The following BSCL2 variants were observed in gnomAD, a reference collection of about 807,000 sequenced individuals.
BSCL2 encodes BSCL2 lipid droplet biogenesis associated, seipin, also known as seipin.
In BSCL2, 41 loss-of-function variants were observed where a neutral mutation model predicts 57.4. The ratio of observed to expected loss-of-function variants is 0.71; its 90% CI spans 0.56 to 0.93. The LOEUF (loss-of-function observed/expected upper bound fraction) is 0.93, where lower values mean the gene tolerates loss of function less well. BSCL2 is among the 40% of genes least tolerant of loss of function. BSCL2 has a pLI of 0.00. For synonymous variants in BSCL2, 237 were observed against 227.3 expected, an observed-to-expected ratio of 1.04 and a Z score of -0.38; for missense variants, 539 against 586.7, an observed-to-expected ratio of 0.92 and a Z score of 0.84.
chr11:62,704,130 G>GA (rs1341507886), intron 2 of BSCL2, among the ~76,000 whole-genome samples: 277 of 105,914 alleles, frequency 2.6e-3, no homozygotes, highest in Middle Eastern at 0.019. Flanking sequence ...GTCTCAAAAA[G>GA]AAAAAAAAAA....
chr11:62,699,066 C>G (rs1188662491), intron 3 of BSCL2, among the ~76,000 whole-genome samples: 1 of 151,718 alleles, frequency 6.6e-6, no homozygotes, highest in African/African-American at 2.4e-5. Flanking sequence ...CCACCACGCC[C>G]AGCTAATTTT....
chr11:62,694,620 G>A lies in BSCL2; in HGVS notation c.578C>T (p.Thr193Ile). 6.2e-7 allele frequency: 1 copy of A among 1,614,142 alleles called. No individual in the cohort carries two copies. The highest frequency in any genetic ancestry group is 8.5e-7 in the Non-Finnish European group (1 of 1,180,014). The change falls in exon 4 of 11, where the codon ACC (threonine) becomes ATC (isoleucine). Residue 193 changes from threonine to isoleucine, a missense_variant. Around this residue, in one of 3 missense-constraint regions of BSCL2, gnomAD observed 73 missense variants for 122.0 expected, o/e 0.60. Transcript: ENST00000360796. Reference protein sequence around the residue: ...VNQDLGMFLVTISCYTRGGRI... With the variant: ...VNQDLGMFLVIISCYTRGGRI... ...GCCACCTCTGGTGTAGCAGGAAATG[G>A]TGACCAAGAACATGCCCAAATCTTG... is the stretch of plus-strand genomic sequence containing the variant.
At chr11:62,701,845 AAG>A (rs1945651249) in intron 3 of BSCL2, among the ~76,000 whole-genome samples, 1 of 151,702 alleles carries the variant, frequency 6.6e-6, no homozygotes, top group Non-Finnish European at 1.5e-5. Flanking sequence ...AAAAAAAAAA[AAG>A]AAAGAGAGTG....
chr11:62,690,981 C>A (rs762273220), intron 8 of BSCL2, 94 bp downstream of exon 8: 1 of 1,581,166 alleles, frequency 6.3e-7, no homozygotes, highest in African/African-American at 1.3e-5. Flanking sequence ...GTCGGTGATA[C>A]CCTAAGCCTC....
chr11:62,707,712 C>T (rs771545837), upstream of BSCL2: 1 of 343,776 alleles, frequency 2.9e-6, no homozygotes, highest in Non-Finnish European at 5.6e-6. Flanking sequence ...ACCAGCCATC[C>T]AGACAGTGCT....
At chr11:62,694,355 C>T (rs1242873696) in intron 4 of BSCL2, among the ~76,000 whole-genome samples, 2 of 151,772 alleles carry the variant, frequency 1.3e-5, no homozygotes, top group African/African-American at 4.8e-5. Flanking sequence ...AGCCGTGAGC[C>T]ACCATGCCCA....
At chr11:62,694,841 G>A (rs1028732834) in intron 3 of BSCL2, 130 bp from the exon 4 acceptor site, 41 of 1,132,424 alleles carry the variant, frequency 3.6e-5, no homozygotes, top group Middle Eastern at 2.8e-4. Flanking sequence ...GTAGCCTAAC[G>A]GGCCTTTCAA....
chr11:62,702,345 C>T lies in BSCL2; in HGVS notation c.486+123G>A, dbSNP rs142930529. On this transcript the variant is annotated intron_variant, in intron 3 of 10. Transcript: ENST00000360796. ...CCTCCCAAAGTACTGGGATTACAGG[C>T]GTGAGCCACCGTGCCCGGCCAGTCT... 1,983 of 858,186 alleles carry T rather than the reference C, an allele frequency of 2.3e-3. 23 individuals carry two copies. In the African/African-American group the frequency reaches 0.03, roughly 13 times the overall value. The allele number at this position is 858,186 out of a possible 1,614,324, so 53.2% of individuals were successfully genotyped here.
rs779432443 is a variant in BSCL2 at position 62,691,429 on chromosome 11, AG to A, written c.864-9del. On this transcript the variant is annotated splice_polypyrimidine_tract_variant and intron_variant, in intron 6 of 10. Coordinates refer to ENST00000360796, the MANE Select transcript of BSCL2 (RefSeq NM_001122955.4). ...AAGTTGTATAGCAGGTATCTGAGGCAGGAAGTAGGGACAAGAAGGTAGTAGC... is the reference window on the plus strand; with the variant it reads ...AAGTTGTATAGCAGGTATCTGAGGCAGAAGTAGGGACAAGAAGGTAGTAGC... 4.3e-6 allele frequency: 7 copies of A among 1,614,164 alleles called. No individual in the cohort carries two copies. The Admixed American group carries it at 1.2e-4, about 27-fold the overall frequency.
chr11:62,691,556 CCA>C (rs1241023471), intron 6 of BSCL2, 135 bp from the exon 7 acceptor site: 21 of 1,078,068 alleles, frequency 1.9e-5, no homozygotes, highest in Admixed American at 5.9e-5. Flanking sequence ...TGCCTCCCAC[CCA>C]CACAGTTTCC....
chr11:62,696,212 G>A (rs1171075900), intron 3 of BSCL2, among the ~76,000 whole-genome samples: 4 of 151,428 alleles, frequency 2.6e-5, no homozygotes, highest in Non-Finnish European at 4.4e-5. Context: ...TGAAGAAAAT[G>A]GATTCCATGA....
chr11:62,701,958 G>GT (rs767998447), intron 3 of BSCL2, among the ~76,000 whole-genome samples: 6 of 152,096 alleles, frequency 3.9e-5, no homozygotes, highest in Non-Finnish European at 7.4e-5. Flanking sequence ...TTGAATTACC[G>GT]TAAGTCAGGG....
rs978628541 is a variant in BSCL2, at chr11:62,692,887, T to G, written c.631-90A>C. 3.3e-5 allele frequency: 52 copies of G among 1,560,040 alleles called. 1 individual carries two copies. The highest frequency in any genetic ancestry group is 4.2e-5 in the Non-Finnish European group (48 of 1,147,232). ...CCCTCAACCACCCCTGAGTAGTCTA[T>G]GAAGGCGGCTTCTTCCTCAGGTCCC... On this transcript the variant is annotated intron_variant, in intron 4 of 10. Coordinates refer to ENST00000360796, the MANE Select transcript of BSCL2 (RefSeq NM_001122955.4).
chr11:62,691,742 G>A (rs977148852), intron 6 of BSCL2, among the ~76,000 whole-genome samples: 2 of 152,014 alleles, frequency 1.3e-5, no homozygotes, highest in African/African-American at 4.8e-5. Flanking sequence ...AGCCTTCCTC[G>A]GGGTGCTTTA....
rs1266214909 is a variant in BSCL2 at position 62,697,794 on chromosome 11, A to AG, written c.487-3084_487-3083insC. Among the ~76,000 whole-genome samples, 10 of 134,068 alleles carry AG rather than the reference A, an allele frequency of 7.5e-5. No individual in the cohort carries two copies. In the South Asian group the frequency reaches 2.1e-3, roughly 28 times the overall value. 88.0% of individuals were successfully genotyped at this position (134,068 alleles called of 152,430 possible). ...GGGCAACAGAGAGAGACTCTGTATC[A>AG]AAAAAAAAAAAAAAAGGATCCGCTT... On this transcript the variant is annotated intron_variant, in intron 3 of 10. Coordinates refer to ENST00000360796, the MANE Select transcript of BSCL2 (RefSeq NM_001122955.4).
chr11:62,697,874 C>T (rs1945519398), intron 3 of BSCL2, among the ~76,000 whole-genome samples: 2 of 150,752 alleles, frequency 1.3e-5, no homozygotes, highest in Admixed American at 6.6e-5. Flanking sequence ...TGATCTAATT[C>T]TTCACGAATG....
intron 3 of BSCL2, chr11:62,697,659 T>G: frequency 6.6e-6 from 1 of 150,674 alleles, no homozygotes; most frequent in East Asian, 2.0e-4. Context: ...CTGGACATGG[T>G]GGCATGCGCC....
Position 62,694,550 on chromosome 11 carries a change from CA to C in BSCL2, c.630+17del. The C allele has an allele frequency of 6.2e-7, 1 of 1,613,944 alleles. No individual in the cohort carries two copies. The highest frequency in any genetic ancestry group is 8.5e-7 in the Non-Finnish European group (1 of 1,179,982). On this transcript the variant is annotated intron_variant, in intron 4 of 10. Coordinates refer to ENST00000360796, the MANE Select transcript of BSCL2 (RefSeq NM_001122955.4). ...CCATCTTCCTCCACACCTTCTCAGACAGGCCACCAACACTTACCGAACGCGA... is the reference window on the plus strand; with the variant it reads ...CCATCTTCCTCCACACCTTCTCAGACGGCCACCAACACTTACCGAACGCGA...
In BSCL2 at chr11:62,692,544, G is replaced by A. The variant is rs950656045; in HGVS notation, c.766-71C>T. On this transcript the variant is annotated intron_variant, in intron 5 of 10. Coordinates refer to ENST00000360796, the MANE Select transcript of BSCL2 (RefSeq NM_001122955.4). ...GCTAGCACTCTTACCCGCCTCATCT[G>A]AGCCCCACTTCCAGTCTCTCAGTTG... The A allele has an allele frequency of 1.7e-5, 28 of 1,611,150 alleles. No homozygotes were observed. In the Admixed American group the frequency reaches 4.2e-4, roughly 24 times the overall value.
Sources: gnomAD v4.1 joint callset for allele counts (sites outside exome capture counted in the v4.1 genomes callset) on GRCh38, gnomAD v4.1.1 for gene constraint, gnomAD v4.1.1 regional missense constraint, MANE v1.5 for transcripts, NCBI Gene and HGNC (gene_info 2026-07-23, HGNC 2026-07-21) for gene names.